Variants in E2F7 observed in about 807,000 individuals in gnomAD.
E2F7 encodes the protein transcription factor E2F7.
A neutral mutation model predicts 81.1 loss-of-function variants in E2F7; 35 were observed. The observed-to-expected ratio is 0.43, with a 90% CI of 0.33 to 0.57. The LOEUF (loss-of-function observed/expected upper bound fraction) is 0.57, where lower values mean the gene tolerates loss of function less well. E2F7 is among the 20% of genes least tolerant of loss of function. The pLI, the probability that E2F7 is intolerant of heterozygous loss-of-function variation, is 0.04. For synonymous variants in E2F7, 416 were observed against 416.2 expected (o/e 1.00, Z 0.01); for missense variants, 961 against 1,093.7 (o/e 0.88, Z 1.71).
intron 12 of E2F7, 58 bp from the exon 13 acceptor site, chr12:77,024,243 T>G (rs776997258): frequency 9.1e-6 from 14 of 1,539,942 alleles, no homozygotes; most frequent in Non-Finnish European, 1.2e-5. Context: ...GATCTCTGAG[T>G]AGAAAGGCAG....
Position 77,064,606 on chromosome 12 carries a change from G to A in E2F7, c.30C>T (p.Asp10=). 1 of 1,613,940 alleles carries A rather than the reference G, an allele frequency of 6.2e-7. No homozygotes were observed. The highest frequency in any genetic ancestry group is 8.5e-7 in the Non-Finnish European group (1 of 1,179,958). The part of the protein sequence containing the change: MEVNCLTLK[D]LISPRQPRLD... Reference sequence around the variant, plus strand: ...GTCTGGGCTGCCTGGGGCTGATCAGGTCTTTTAGTGTTAAACAATTTACCT... The same window carrying A: ...GTCTGGGCTGCCTGGGGCTGATCAGATCTTTTAGTGTTAAACAATTTACCT... The change falls in exon 2 of 13, where the codon GAC becomes GAT. Residue 10 remains aspartate (D), a synonymous_variant. Transcript: ENST00000322886.
intron 6 of E2F7, 52 bp from the exon 7 acceptor site, chr12:77,043,251 GT>G (rs1954909161): frequency 6.2e-7 from 1 of 1,607,242 alleles, no homozygotes; most frequent in Non-Finnish European, 8.5e-7. Context: ...CACCATGACA[GT>G]TTAGTTTATG....
At chr12:77,042,075 T>C (rs1052970444) in intron 7 of E2F7, among the ~76,000 whole-genome samples, 1 of 152,166 alleles carries the variant, frequency 6.6e-6, no homozygotes. Context: ...AATATTTTCA[T>C]GTTAAGAAGA....
At chr12:77,054,587 C>T (rs1955016629) in intron 3 of E2F7, among the ~76,000 whole-genome samples, 1 of 152,030 alleles carries the variant, frequency 6.6e-6, no homozygotes, top group African/African-American at 2.4e-5. Context: ...GGTGGTGAAC[C>T]TTTCTAGTGA....
chr12:77,033,581 T>C (rs935681208), intron 8 of E2F7, among the ~76,000 whole-genome samples: 4 of 152,200 alleles, frequency 2.6e-5, no homozygotes, highest in Admixed American at 2.6e-4. Flanking sequence ...ATTTCTGAGA[T>C]ACATCAAATA....
intron 2 of E2F7, among the ~76,000 whole-genome samples, chr12:77,056,797 G>A (rs1474440734): frequency 6.6e-6 from 1 of 151,932 alleles, no homozygotes; most frequent in African/African-American, 2.4e-5. Context: ...CACTCAAACT[G>A]ACCCACAGCT....
At position 77,029,993 on chromosome 12, in the gene E2F7, A is replaced by G. The variant is rs946466297; in HGVS notation, c.1722T>C (p.Asp574=). The G allele has an allele frequency of 1.9e-6, 3 of 1,614,178 alleles. No homozygotes were observed. The highest frequency in any genetic ancestry group is 3.3e-5 in the Admixed American group (2 of 60,028). ...TGGCTGGGGCTTCTGAGCTTCTGTC[A>G]TCCCTCTCTGACCCTGACCCTGACG... ...GPASGSGSER[D]DRSSEAPATV... The change falls in exon 10 of 13, where the codon GAT becomes GAC. Residue 574 remains aspartate (D), a synonymous_variant. Transcript: ENST00000322886.
At position 77,033,035 on chromosome 12, in the gene E2F7, T is replaced by G. The variant is rs367684341; in HGVS notation, c.1382+15A>C. The G allele has an allele frequency of 1.2e-6, 2 of 1,609,304 alleles. No homozygotes were observed. Among genetic ancestry groups the G allele is most frequent in the Admixed American group, 3.4e-5 (2 of 59,218 alleles). On this transcript the variant is annotated intron_variant, in intron 9 of 12. Transcript: ENST00000322886. The stretch of plus-strand genomic sequence containing the variant: ...ATAGAAAAGAATACACTCTGAGCTT[T>G]TATAGACTACTTACTGTGAATTGTC...
chr12:77,037,261 G>T (rs1954859322), intron 7 of E2F7, among the ~76,000 whole-genome samples: 1 of 152,126 alleles, frequency 6.6e-6, no homozygotes, highest in African/African-American at 2.4e-5. Flanking sequence ...ATGGGTTAGG[G>T]TTAGACAATT....
At chr12:77,053,263 G>C (rs538832295) in intron 3 of E2F7, among the ~76,000 whole-genome samples, 2 of 152,296 alleles carry the variant, frequency 1.3e-5, no homozygotes, top group East Asian at 3.9e-4. Context: ...TCTATTGATA[G>C]TTAGCATGTT....
intron 2 of E2F7, among the ~76,000 whole-genome samples, chr12:77,061,358 C>T (rs1955077347): frequency 6.6e-6 from 1 of 152,172 alleles, no homozygotes; most frequent in African/African-American, 2.4e-5. Context: ...AAAGAACACC[C>T]ATGCCCATTA....
At chr12:77,033,205 A>G in intron 8 of E2F7, 83 bp from the exon 9 acceptor site, 1 of 1,259,750 alleles carries the variant, frequency 7.9e-7, no homozygotes, top group Non-Finnish European at 1.1e-6. Context: ...CTAGCTGAGA[A>G]TTCATTATTC....
At chr12:77,044,077 A>T (rs1954918540) in intron 6 of E2F7, among the ~76,000 whole-genome samples, 1 of 152,300 alleles carries the variant, frequency 6.6e-6, no homozygotes, top group African/African-American at 2.4e-5. Context: ...AAATAGCCAG[A>T]TGTTGCAGCT....
chr12:77,050,784 G>C, intron 3 of E2F7, 40 bp from the exon 4 acceptor site: 1 of 1,598,662 alleles, frequency 6.3e-7, no homozygotes, highest in African/African-American at 1.3e-5. Context: ...AGATGTCACA[G>C]TTAACATCCT....
chr12:77,063,682 A>G (rs1955095909), intron 2 of E2F7, among the ~76,000 whole-genome samples: 1 of 152,180 alleles, frequency 6.6e-6, no homozygotes, highest in South Asian at 2.1e-4. Flanking sequence ...GGGGGAGCAT[A>G]CAATTTCGCA....
rs376673165 is a variant in E2F7, at chr12:77,025,906, C to T, written c.2217G>A (p.Pro739=). Reference sequence around the variant, plus strand: ...AGACCATGCAAGGGACACTGAAAGACGGCAGCTGACCTGAGGACGGGCCCA... The same window carrying T: ...AGACCATGCAAGGGACACTGAAAGATGGCAGCTGACCTGAGGACGGGCCCA... The part of the protein sequence containing the change: ...PTVGPSSGQL[P]SFSVPCMVLP... Residue 739 remains proline (P), a synonymous_variant, in exon 12 of 13, where the codon CCG becomes CCA. Coordinates refer to ENST00000322886, the MANE Select transcript of E2F7 (RefSeq NM_203394.3). 22 of 1,613,950 alleles carry T rather than the reference C, an allele frequency of 1.4e-5. No homozygotes were observed. The highest frequency in any genetic ancestry group is 6.7e-5 in the African/African-American group (5 of 74,902).
chr12:77,060,394 C>A (rs1246177787), intron 2 of E2F7, among the ~76,000 whole-genome samples: 1 of 152,194 alleles, frequency 6.6e-6, no homozygotes, highest in Admixed American at 6.5e-5. Context: ...ATAACACCAG[C>A]ACACTGACTA....
rs533893231 is a variant in E2F7, at chr12:77,022,661, G to C, written c.*1354C>G. On this transcript the variant is annotated 3_prime_UTR_variant, in exon 13 of 13. Transcript: ENST00000322886. ...AAGTAGGAAGGAGGGAAGGAAGAGAGAATGAAGGAAAGTAGGAAGGAAAGA... is the reference window on the plus strand; with the variant it reads ...AAGTAGGAAGGAGGGAAGGAAGAGACAATGAAGGAAAGTAGGAAGGAAAGA... 6.6e-6 allele frequency: 1 copy of C among 152,514 alleles called. No individual in the cohort carries two copies. Among genetic ancestry groups the C allele is most frequent in the Non-Finnish European group, 1.5e-5 (1 of 67,998 alleles). The allele number at this position is 152,514 out of a possible 1,614,324, so 9.4% of individuals were successfully genotyped here. A position where few individuals can be genotyped will look rare whatever the true frequency, so the allele number is the denominator to read the frequency against.
chr12:77,046,342 A>G lies in E2F7; in HGVS notation c.539-14T>C. 6.2e-7 allele frequency: 1 copy of G among 1,606,896 alleles called. No individual in the cohort carries two copies. The highest frequency in any genetic ancestry group is 2.2e-5 in the East Asian group (1 of 44,734). On this transcript the variant is annotated splice_polypyrimidine_tract_variant and intron_variant, in intron 4 of 12. Transcript: ENST00000322886. ...TCCTTTCCACACCTGTTTGAAAAACAGAGGCTGATGGACATCATGCAGACA... is the reference window on the plus strand; with the variant it reads ...TCCTTTCCACACCTGTTTGAAAAACGGAGGCTGATGGACATCATGCAGACA...
Sources: gnomAD v4.1 joint callset for allele counts (sites outside exome capture counted in the v4.1 genomes callset) on GRCh38, gnomAD v4.1.1 for gene constraint, MANE v1.5 for transcripts, NCBI Gene and HGNC (gene_info 2026-07-23, HGNC 2026-07-21) for gene names.